PARD3: variants seen among roughly 807,000 people sequenced by gnomAD.
PARD3 encodes the protein par-3 family cell polarity regulator.
In PARD3, 75 loss-of-function variants were observed where a neutral mutation model predicts 155.4. That is an observed-to-expected ratio of 0.48 (90% confidence interval 0.40 to 0.58). PARD3 has a LOEUF of 0.58. Ranked by LOEUF, PARD3 falls within the 20% of genes least tolerant of loss-of-function variation. PARD3 has a pLI of 0.00. For missense variants in PARD3, 1,642 were observed against 1,721.7 expected (o/e 0.95, Z 0.82); for synonymous variants, 576 against 610.5 (o/e 0.94, Z 0.83).
At chr10:34,571,528 C>G (rs1463153929) in intron 2 of PARD3, among the ~76,000 whole-genome samples, 3 of 152,106 alleles carry the variant, frequency 2.0e-5, no homozygotes, top group Non-Finnish European at 4.4e-5. Flanking sequence ...CATTGCAAAT[C>G]AGATACTATA....
chr10:34,194,179 C>T (rs572025911), intron 22 of PARD3, among the ~76,000 whole-genome samples: 1 of 152,208 alleles, frequency 6.6e-6, no homozygotes, highest in African/African-American at 2.4e-5. Context: ...AAGAAAGCTG[C>T]TTCTCCAAAA....
At chr10:34,430,658 G>A (rs977806090) in intron 5 of PARD3, among the ~76,000 whole-genome samples, 3 of 152,224 alleles carry the variant, frequency 2.0e-5, no homozygotes, top group Admixed American at 6.5e-5. Context: ...TATTGCCAAA[G>A]TCACACAACT....
At chr10:34,394,463 CCATAGGTG>C in intron 7 of PARD3, among the ~76,000 whole-genome samples, 1 of 152,276 alleles carries the variant, frequency 6.6e-6, no homozygotes, top group Admixed American at 6.5e-5. Context: ...GTGGCTGGGA[CCATAGGTG>C]TATGCCAGCA....
chr10:34,513,274 T>A (rs920065120), intron 3 of PARD3, among the ~76,000 whole-genome samples: 5 of 152,152 alleles, frequency 3.3e-5, no homozygotes, highest in Non-Finnish European at 7.3e-5. Flanking sequence ...CCCTTCTCCA[T>A]AGGTTGGTTA....
intron 1 of PARD3, among the ~76,000 whole-genome samples, chr10:34,787,270 T>C (rs1253558460): frequency 6.6e-6 from 1 of 152,068 alleles, no homozygotes; most frequent in Non-Finnish European, 1.5e-5. Flanking sequence ...TCCCAGCTAC[T>C]CAGGAGGCTG....
intron 1 of PARD3, among the ~76,000 whole-genome samples, chr10:34,722,816 C>T (rs2133746175): frequency 6.6e-6 from 1 of 152,216 alleles, no homozygotes; most frequent in East Asian, 1.9e-4. Flanking sequence ...TTTAATATTC[C>T]TTTTTGACAA....
At chr10:34,591,383 C>T (rs746497700) in intron 2 of PARD3, among the ~76,000 whole-genome samples, 2 of 152,044 alleles carry the variant, frequency 1.3e-5, no homozygotes, top group Admixed American at 1.3e-4. Context: ...GGAAATGAGG[C>T]CAAGGTGTCT....
chr10:34,311,437 C>A (rs1957691530), intron 20 of PARD3, among the ~76,000 whole-genome samples: 1 of 152,126 alleles, frequency 6.6e-6, no homozygotes, highest in African/African-American at 2.4e-5. Flanking sequence ...TATACAGTCT[C>A]TGTCTCAAAT....
chr10:34,368,826 T>C (rs1840259561), intron 12 of PARD3, among the ~76,000 whole-genome samples: 1 of 121,368 alleles, frequency 8.2e-6, no homozygotes, highest in South Asian at 2.7e-4. Flanking sequence ...TATGTATCAA[T>C]CCATGAGCAA....
At chr10:34,159,579 AGTAAGTCCT>A (rs1949175070) in intron 22 of PARD3, among the ~76,000 whole-genome samples, 1 of 152,228 alleles carries the variant, frequency 6.6e-6, no homozygotes, top group African/African-American at 2.4e-5. Context: ...CTAGGCAACT[AGTAAGTCCT>A]GAAAGCTGGA....
chr10:34,324,673 T>C (rs1007650572), intron 19 of PARD3, among the ~76,000 whole-genome samples: 1 of 152,072 alleles, frequency 6.6e-6, no homozygotes, highest in Non-Finnish European at 1.5e-5. Context: ...TTAGATTACA[T>C]GTGGAAAGAT....
intron 2 of PARD3, among the ~76,000 whole-genome samples, chr10:34,535,764 C>A (rs2083183343): frequency 6.6e-6 from 1 of 151,944 alleles, no homozygotes; most frequent in South Asian, 2.1e-4. Flanking sequence ...GCGTGAGCCA[C>A]CCTGCCTGGC....
intron 3 of PARD3, among the ~76,000 whole-genome samples, chr10:34,489,793 G>A (rs567335803): frequency 1.3e-5 from 2 of 152,332 alleles, no homozygotes; most frequent in South Asian, 4.1e-4. Context: ...TATGGGTTAT[G>A]TATATGCTAA....
chr10:34,751,826 T>C (rs1836078407), intron 1 of PARD3, among the ~76,000 whole-genome samples: 1 of 151,354 alleles, frequency 6.6e-6, no homozygotes, highest in South Asian at 2.1e-4. Context: ...CAAGCTGGTC[T>C]CAAACTCCTG....
intron 2 of PARD3, among the ~76,000 whole-genome samples, chr10:34,662,426 T>G (rs920421276): frequency 8.5e-5 from 13 of 152,090 alleles, no homozygotes; most frequent in African/African-American, 3.1e-4. Context: ...AGAAAGGAAA[T>G]CAGTACATCA....
chr10:34,255,616 A>T (rs1457985563), intron 22 of PARD3, among the ~76,000 whole-genome samples: 3 of 152,238 alleles, frequency 2.0e-5, no homozygotes, highest in African/African-American at 7.2e-5. Flanking sequence ...ATGCAGATTT[A>T]TCTGGAGGGA....
At chr10:34,698,567 A>G (rs1006061585) in intron 1 of PARD3, among the ~76,000 whole-genome samples, 3 of 152,214 alleles carry the variant, frequency 2.0e-5, no homozygotes, top group Non-Finnish European at 2.9e-5. Context: ...GTTTAGAGAC[A>G]GTCTCGCTCT....
At chr10:34,479,620 T>A (rs1438008616) in intron 3 of PARD3, among the ~76,000 whole-genome samples, 2 of 152,202 alleles carry the variant, frequency 1.3e-5, no homozygotes, top group African/African-American at 2.4e-5. Flanking sequence ...CTACAGCCAC[T>A]GCCGGTGCCC....
chr10:34,790,147 C>T (rs1374316732), intron 1 of PARD3, among the ~76,000 whole-genome samples: 1 of 152,160 alleles, frequency 6.6e-6, no homozygotes, highest in East Asian at 1.9e-4. Flanking sequence ...AAGGTGGAGG[C>T]GTGGTGAGCA....
Sources: gnomAD v4.1 joint callset for allele counts (sites outside exome capture counted in the v4.1 genomes callset) on GRCh38, gnomAD v4.1.1 for gene constraint, MANE v1.5 for transcripts, NCBI Gene and HGNC (gene_info 2026-07-23, HGNC 2026-07-21) for gene names.